VPS13D: variants seen among roughly 807,000 people sequenced by gnomAD.
The protein encoded by VPS13D is vacuolar protein sorting 13 homolog D, also known as intermembrane lipid transfer protein VPS13D.
A neutral mutation model predicts 461.9 loss-of-function variants in VPS13D; 187 were observed. The ratio of observed to expected loss-of-function variants is 0.40; its 90% CI spans 0.36 to 0.46. The LOEUF is 0.46. Ranked by LOEUF, VPS13D falls within the 20% of genes least tolerant of loss-of-function variation. VPS13D has a pLI of 0.60. For synonymous variants in VPS13D, 1,951 were observed against 1,986.3 expected, an observed-to-expected ratio of 0.98 and a Z score of 0.47; for missense variants, 4,711 against 5,364.9, an observed-to-expected ratio of 0.88 and a Z score of 3.81.
rs1271772260 is a variant in VPS13D at position 12,502,183 on chromosome 1, G to A, written c.12794+4552G>A. On this transcript the variant is annotated intron_variant, in intron 68 of 69. Coordinates refer to ENST00000620676, the MANE Select transcript of VPS13D (RefSeq NM_015378.4). This position sits in a 1 kb window ranked among gnomAD's most constrained non-coding sequence, Gnocchi z 4.3. Reference sequence around the variant, plus strand: ...CTTGACAGCAGCAGGTAGAGAGACTGAAGGCAGGAAGCCAGTTAGGAGGCC... The same window carrying A: ...CTTGACAGCAGCAGGTAGAGAGACTAAAGGCAGGAAGCCAGTTAGGAGGCC... Among the ~76,000 whole-genome samples the A allele has an allele frequency of 6.6e-6, 1 of 152,186 alleles. No homozygotes were observed. Among genetic ancestry groups the A allele is most frequent in the African/African-American group, 2.4e-5 (1 of 41,444 alleles).
intron 2 of VPS13D, 116 bp from the exon 3 acceptor site, chr1:12,242,395 CAT>C: frequency 1.2e-6 from 1 of 864,200 alleles, no homozygotes; most frequent in African/African-American, 1.7e-5. Context: ...TTAACCTTCA[CAT>C]GACGTAGCCT....
Position 12,321,830 on chromosome 1 carries a change from A to T in VPS13D, c.7570A>T (p.Asn2524Tyr). The change falls in exon 33 of 70, where the codon AAT becomes TAT. Residue 2524 changes from asparagine (N) to tyrosine (Y), a missense_variant. Physicochemically the swap from Asn to Tyr is moderately radical, Grantham distance 143. Transcript: ENST00000620676. ...GIEVFSCRLG[N>Y]EHDTALSIVD... Reference sequence around the variant, plus strand: ...GTAGGTGTTTTCATGCCGACTAGGGAATGAGCATGATACAGCTCTTTCAAT... The same window carrying T: ...GTAGGTGTTTTCATGCCGACTAGGGTATGAGCATGATACAGCTCTTTCAAT... 6.2e-7 allele frequency: 1 copy of T among 1,602,262 alleles called. No homozygotes were observed. The highest frequency in any genetic ancestry group is 8.5e-7 in the Non-Finnish European group (1 of 1,176,654).
intron 67 of VPS13D, among the ~76,000 whole-genome samples, chr1:12,460,911 C>A (rs935303822): frequency 6.6e-6 from 1 of 152,072 alleles, no homozygotes. Flanking sequence ...AAAGTATCAG[C>A]CCCAACCCCA....
Position 12,321,843 on chromosome 1 carries a change from C to T in VPS13D, c.7583C>T (p.Thr2528Ile). The change falls in exon 33 of 70, where the codon ACA becomes ATA. Residue 2528 changes from threonine to isoleucine, a missense_variant. Physicochemically the swap from Thr to Ile is moderately conservative, Grantham distance 89 (BLOSUM62 -1). Around this residue, in one of 3 missense-constraint regions of VPS13D, gnomAD observed 4,411 missense variants for 4,937.8 expected, o/e 0.89. Transcript: ENST00000620676. ...FSCRLGNEHDTALSIVDPVQI... is the reference protein window; with the variant it reads ...FSCRLGNEHDIALSIVDPVQI... ...TGCCGACTAGGGAATGAGCATGATA[C>T]AGCTCTTTCAATTGTGGATCCCGTA... is the stretch of plus-strand genomic sequence containing the variant. 2 of 1,611,132 alleles carry T rather than the reference C, an allele frequency of 1.2e-6. No individual in the cohort carries two copies. The highest frequency in any genetic ancestry group is 1.7e-6 in the Non-Finnish European group (2 of 1,179,080).
chr1:12,352,774 A>G (rs992341269), intron 46 of VPS13D, among the ~76,000 whole-genome samples: 2 of 151,468 alleles, frequency 1.3e-5, no homozygotes, highest in Admixed American at 1.3e-4. Context: ...GACCAGCCTG[A>G]CCAACATGGT....
chr1:12,356,723 G>A (rs1365411806), intron 49 of VPS13D, among the ~76,000 whole-genome samples, 199 bp downstream of exon 49: 1 of 152,198 alleles, frequency 6.6e-6, no homozygotes, highest in Non-Finnish European at 1.5e-5. Flanking sequence ...AAACCATTTG[G>A]TTGGTTTATA....
intron 61 of VPS13D, 43 bp from the exon 62 acceptor site, chr1:12,401,565 C>T (rs1644581400): frequency 1.3e-6 from 2 of 1,484,980 alleles, no homozygotes; most frequent in South Asian, 2.3e-5. Flanking sequence ...ATGAATGTTC[C>T]TTCTGGTGTT....
chr1:12,237,967 G>C (rs1188046533), intron 2 of VPS13D, among the ~76,000 whole-genome samples: 1 of 152,056 alleles, frequency 6.6e-6, no homozygotes, highest in East Asian at 1.9e-4. Flanking sequence ...ACCAGCCTGG[G>C]CAACATGATG....
At chr1:12,270,777 G>A (rs771119419) in intron 16 of VPS13D, among the ~76,000 whole-genome samples, 23 of 152,034 alleles carry the variant, frequency 1.5e-4, no homozygotes, top group Non-Finnish European at 2.9e-4. Flanking sequence ...GTGCAGTGGC[G>A]TGATCACGGC....
chr1:12,294,485 T>A lies in VPS13D; in HGVS notation c.6033+781T>A, dbSNP rs529275957. ...TACCACAAGCTACTAGTTAGTGCAG[T>A]GTCTGGCAGATGTTGTTTTTCCTTC... On this transcript the variant is annotated intron_variant, in intron 24 of 69. Transcript: ENST00000620676. Among the ~76,000 whole-genome samples, 5 of 152,242 alleles carry A rather than the reference T, an allele frequency of 3.3e-5. 1 individual carries two copies. In the South Asian group the frequency reaches 1.0e-3, roughly 32 times the overall value.
intron 13 of VPS13D, among the ~76,000 whole-genome samples, chr1:12,264,692 A>G (rs1641212478): frequency 6.6e-6 from 1 of 152,236 alleles, no homozygotes; most frequent in South Asian, 2.1e-4. Flanking sequence ...AGTTTGAAGG[A>G]AAGAAGCCAT....
At chr1:12,267,049 G>A (rs941602838) in intron 14 of VPS13D, 38 bp downstream of exon 14, 1 of 1,483,602 alleles carries the variant, frequency 6.7e-7, no homozygotes, top group Non-Finnish European at 9.0e-7. Flanking sequence ...TATCTAAGGT[G>A]TTGGTAAATT....
rs143557600 is a variant in VPS13D at position 12,317,700 on chromosome 1, G to T, written c.7149-372G>T. Reference sequence around the variant, plus strand: ...TTTGAAGTTACAGTGAGCTGTGATCGTGCCACTGCATTCCAGTCTGGGCAA... The same window carrying T: ...TTTGAAGTTACAGTGAGCTGTGATCTTGCCACTGCATTCCAGTCTGGGCAA... On this transcript the variant is annotated intron_variant, in intron 30 of 69. Coordinates refer to ENST00000620676, the MANE Select transcript of VPS13D (RefSeq NM_015378.4). Among the ~76,000 whole-genome samples the T allele has an allele frequency of 5.1e-3, 769 of 151,978 alleles. 2 individuals carry two copies. Among genetic ancestry groups the T allele is most frequent in the African/African-American group, 0.018 (741 of 41,444 alleles).
At chr1:12,396,029 A>ATATATATATATATATATATATAT (rs1553187933) in intron 60 of VPS13D, among the ~76,000 whole-genome samples, 9 of 119,870 alleles carry the variant, frequency 7.5e-5, no homozygotes, top group African/African-American at 2.3e-4. Context: ...ATATATATAT[A>ATATATATATATATATATATATAT]GTTCTTTAAG....
At chr1:12,256,897 AT>A in intron 8 of VPS13D, 89 bp from the exon 9 acceptor site, 1 of 1,354,124 alleles carries the variant, frequency 7.4e-7, no homozygotes, top group South Asian at 1.3e-5. Context: ...GGATCAACTA[AT>A]GTGAATTGTT....
chr1:12,354,967 TCA>T (rs1354797131), intron 47 of VPS13D, among the ~76,000 whole-genome samples: 2 of 152,222 alleles, frequency 1.3e-5, no homozygotes, highest in East Asian at 3.8e-4. Flanking sequence ...GCCCCCAGAA[TCA>T]CAGCAGATTC....
intron 68 of VPS13D, among the ~76,000 whole-genome samples, chr1:12,498,265 G>A (rs1645986983): frequency 6.6e-6 from 1 of 152,162 alleles, no homozygotes; most frequent in Admixed American, 6.5e-5. Flanking sequence ...GCAGTTAGTT[G>A]TGTCTGGGAG....
intron 63 of VPS13D, among the ~76,000 whole-genome samples, chr1:12,407,991 CCT>C (rs1235712252): frequency 2.0e-5 from 3 of 152,140 alleles, no homozygotes; most frequent in East Asian, 3.9e-4. Context: ...TTGTCAGTAC[CCT>C]GTTTTCCCAG....
intron 66 of VPS13D, among the ~76,000 whole-genome samples, chr1:12,459,060 G>A (rs1240866809): frequency 6.6e-6 from 1 of 152,190 alleles, no homozygotes; most frequent in African/African-American, 2.4e-5. Flanking sequence ...CAAGCATCCA[G>A]TGGGGTTGGC....
Sources: allele counts gnomAD v4.1 joint callset (sites outside exome capture counted in the v4.1 genomes callset), GRCh38; gene constraint gnomAD v4.1.1; regional missense constraint gnomAD v4.1.1; non-coding constraint Gnocchi (gnomAD v3.1); transcripts MANE v1.5; gene names NCBI Gene and HGNC (gene_info 2026-07-23, HGNC 2026-07-21).